COQ6: variants seen among roughly 807,000 people sequenced by gnomAD.
The protein encoded by COQ6 is coenzyme Q6, monooxygenase.
COQ6 carries 45 observed loss-of-function variants against 55.5 expected under a neutral mutation model. That is an observed-to-expected ratio of 0.81 (90% CI 0.64 to 1.04). The LOEUF (loss-of-function observed/expected upper bound fraction) is 1.04, where lower values mean the gene tolerates loss of function less well. Ranked by LOEUF, COQ6 falls within the 50% of genes least tolerant of loss-of-function variation. The pLI is 0.00. For synonymous variants in COQ6, 206 were observed against 230.5 expected, an observed-to-expected ratio of 0.89 and a Z score of 0.96; for missense variants, 550 against 601.3, an observed-to-expected ratio of 0.91 and a Z score of 0.89.
At chr14:73,960,750 G>A (rs952959798) in intron 8 of COQ6, 3 of 450,884 alleles carry the variant, frequency 6.7e-6, no homozygotes, top group Non-Finnish European at 1.1e-5. Context: ...CATACAGGGG[G>A]GAAACACAGA....
chr14:73,958,916 C>T, intron 5 of COQ6, 55 bp from the exon 6 acceptor site: 1 of 1,607,448 alleles, frequency 6.2e-7, no homozygotes, highest in Non-Finnish European at 8.5e-7. Flanking sequence ...AGAAAAACTT[C>T]TGAAGCAGTT....
At chr14:73,952,536 TAA>T (rs111327859) in intron 1 of COQ6, among the ~76,000 whole-genome samples, 1 of 151,178 alleles carries the variant, frequency 6.6e-6, no homozygotes, top group South Asian at 2.1e-4. Context: ...CCTGGCTAGT[TAA>T]AAAAAATTTT....
chr14:73,951,233 C>G (rs59324826), intron 1 of COQ6, among the ~76,000 whole-genome samples: 1 of 152,084 alleles, frequency 6.6e-6, no homozygotes, highest in African/African-American at 2.4e-5. Flanking sequence ...TGGGCTCAAG[C>G]AATCCACCTG....
chr14:73,956,278 A>G (rs2056433590), intron 4 of COQ6: 1 of 295,588 alleles, frequency 3.4e-6, no homozygotes, highest in Admixed American at 4.2e-5. Context: ...CAGTGAGCCG[A>G]GATCACGCCA....
intron 5 of COQ6, 144 bp from the exon 6 acceptor site, chr14:73,958,827 A>G (rs1798159533): frequency 6.5e-7 from 1 of 1,535,564 alleles, no homozygotes. Flanking sequence ...CTCCACCTCT[A>G]GGGGCTGTGA....
chr14:73,958,166 C>T lies in COQ6; in HGVS notation c.501C>T (p.Tyr167=), dbSNP rs183909165. The T allele has an allele frequency of 6.2e-7, 1 of 1,614,044 alleles. No individual in the cohort carries two copies. Among genetic ancestry groups the T allele is most frequent in the Admixed American group, 1.7e-5 (1 of 60,006 alleles). Residue 167 remains tyrosine (Y), a synonymous_variant, in exon 5 of 12, where the codon TAC becomes TAT. Coordinates refer to ENST00000334571, the MANE Select transcript of COQ6 (RefSeq NM_182476.3). ...CCCCAGACCGAGTGACGGTTCTCTA[C>T]AGGAGCAAAGCCATTCGCTATACCT... The part of the protein sequence containing the change: ...EAVSDRVTVL[Y]RSKAIRYTWP...
intron 8 of COQ6, 97 bp from the exon 9 acceptor site, chr14:73,961,076 G>A: frequency 7.1e-7 from 1 of 1,411,796 alleles, no homozygotes; most frequent in Admixed American, 2.0e-5. Flanking sequence ...GGTAGCATTA[G>A]CCTAAGCTTT....
intron 1 of COQ6, 122 bp downstream of exon 1, chr14:73,950,617 C>T (rs1312772640): frequency 4.1e-5 from 58 of 1,416,714 alleles, no homozygotes; most frequent in Non-Finnish European, 5.3e-5. Context: ...CGCTTCTCCC[C>T]TCCCCTCCTA....
rs1193905034 is a variant in COQ6 at position 73,950,476 on chromosome 14, T to C, written c.144T>C (p.Ala48=). ...TGTCGGGTGGAGGCCTGGTGGGCGC[T>C]GCCATGGCCTGTGCCTTGGGTAAGC... ...VVVSGGGLVG[A]AMACALGYDI... Residue 48 remains alanine, a synonymous_variant, in exon 1 of 12, where the codon GCT becomes GCC. Coordinates refer to ENST00000334571, the MANE Select transcript of COQ6 (RefSeq NM_182476.3). 3 of 1,608,582 alleles carry C rather than the reference T, an allele frequency of 1.9e-6. No homozygotes were observed. The highest frequency in any genetic ancestry group is 4.5e-5 in the East Asian group (2 of 44,756).
In COQ6 at chr14:73,950,369, C is replaced by T. The variant is rs2056139131; in HGVS notation, c.37C>T (p.Arg13Cys). 2.6e-6 allele frequency: 4 copies of T among 1,562,254 alleles called. No homozygotes were observed. The African/African-American group carries it at 4.1e-5, about 16-fold the overall frequency. Residue 13 changes from arginine (R) to cysteine (C), a missense_variant, in exon 1 of 12, where the codon CGT becomes TGT. Physicochemically the swap from Arg to Cys is radical, Grantham distance 180. Transcript: ENST00000334571. ...GCTTGTCAGCCGATGCGGGGCTGTGCGTGCAGCTCCCCACAGCGGCCCGCT... is the reference window on the plus strand; with the variant it reads ...GCTTGTCAGCCGATGCGGGGCTGTGTGTGCAGCTCCCCACAGCGGCCCGCT... ...ARLVSRCGAV[R>C]AAPHSGPLVS... is the part of the protein sequence containing the mutation.
chr14:73,962,740 C>T (rs772757152), intron 11 of COQ6: 3 of 552,448 alleles, frequency 5.4e-6, no homozygotes, highest in Non-Finnish European at 9.7e-6. Flanking sequence ...TTGCTTGAGC[C>T]TAGGAGTTTG....
chr14:73,962,434 C>G (rs7147229), intron 11 of COQ6, among the ~76,000 whole-genome samples: 47,598 of 151,538 alleles, frequency 0.31, 8,989 homozygotes, highest in Non-Finnish European at 0.42. Flanking sequence ...TGGCACATGC[C>G]TGTAGTCCTA....
intron 1 of COQ6, among the ~76,000 whole-genome samples, chr14:73,952,675 C>T (rs904145351): frequency 2.0e-5 from 3 of 151,940 alleles, no homozygotes; most frequent in East Asian, 3.9e-4. Flanking sequence ...GCCTGGCTCA[C>T]GTTTTCTTTT....
At chr14:73,953,128 T>G (rs985723175) in intron 1 of COQ6, among the ~76,000 whole-genome samples, 2 of 152,254 alleles carry the variant, frequency 1.3e-5, no homozygotes, top group Non-Finnish European at 2.9e-5. Context: ...TACTGTAGTC[T>G]AACTTTTTTA....
intron 8 of COQ6, chr14:73,960,871 G>T (rs765096163): frequency 2.3e-5 from 11 of 470,634 alleles, no homozygotes; most frequent in Non-Finnish European, 4.3e-5. Flanking sequence ...GAGGTAGAAG[G>T]ATACTGTGTG....
intron 2 of COQ6, among the ~76,000 whole-genome samples, chr14:73,954,174 A>G (rs1367012148): frequency 6.6e-6 from 1 of 152,204 alleles, no homozygotes; most frequent in Non-Finnish European, 1.5e-5. Context: ...CATCTCTCCA[A>G]TTAGAATGTT....
At chr14:73,962,946 C>G (rs1182096155) in intron 11 of COQ6, 24 bp from the exon 12 acceptor site, 4 of 1,577,486 alleles carry the variant, frequency 2.5e-6, no homozygotes, top group Non-Finnish European at 3.5e-6. Flanking sequence ...TTAAGAGTTT[C>G]ATTCACTTTT....
chr14:73,950,456 G>C lies in COQ6; in HGVS notation c.124G>C (p.Gly42Arg). 6.2e-7 allele frequency: 1 copy of C among 1,609,998 alleles called. No homozygotes were observed. The highest frequency in any genetic ancestry group is 8.5e-7 in the Non-Finnish European group (1 of 1,178,674). Residue 42 changes from glycine to arginine, a missense_variant, in exon 1 of 12, where the codon GGT becomes CGT. Gly to Arg is a moderately radical substitution (Grantham distance 125). Transcript: ENST00000334571. The stretch of plus-strand genomic sequence containing the variant: ...CACCGTGTATGACGTGGTGGTGTCG[G>C]GTGGAGGCCTGGTGGGCGCTGCCAT... ...TDTVYDVVVS[G>R]GGLVGAAMAC...
chr14:73,959,176 C>G lies in COQ6; in HGVS notation c.735C>G (p.Asn245Lys). ...CTCTGTTGCAGGCCACAGAAAACAA[C>G]GTAGCCTGGCAGAGATTTCTTCCCT... ...TLHLSEATEN[N>K]VAWQRFLPSG... Residue 245 changes from asparagine to lysine, a missense_variant, in exon 7 of 12, where the codon AAC (asparagine) becomes AAG (lysine). Coordinates refer to ENST00000334571, the MANE Select transcript of COQ6 (RefSeq NM_182476.3). 2 of 1,614,224 alleles carry G rather than the reference C, an allele frequency of 1.2e-6. No individual in the cohort carries two copies. Among genetic ancestry groups the G allele is most frequent in the Non-Finnish European group, 1.7e-6 (2 of 1,180,034 alleles).
Sources: gnomAD v4.1 joint callset for allele counts (sites outside exome capture counted in the v4.1 genomes callset) on GRCh38, gnomAD v4.1.1 for gene constraint, MANE v1.5 for transcripts, NCBI Gene and HGNC (gene_info 2026-07-23, HGNC 2026-07-21) for gene names.